The following MDM1 variants were observed in gnomAD, a reference collection of about 807,000 sequenced individuals.
MDM1 encodes the protein Mdm1 nuclear protein.
Under a neutral mutation model 89.1 loss-of-function variants are expected in MDM1, and 61 were observed. The observed-to-expected ratio is 0.68, with a 90% CI of 0.56 to 0.85. The LOEUF (loss-of-function observed/expected upper bound fraction) is 0.85. Ranked by LOEUF, MDM1 falls within the 40% of genes least tolerant of loss-of-function variation. The pLI is 0.00. For missense variants in MDM1, 820 were observed against 846.5 expected (o/e 0.97, Z 0.39); for synonymous variants, 290 against 294.1 (o/e 0.99, Z 0.14).
intron 1 of MDM1, 119 bp downstream of exon 1, chr12:68,332,109 T>G: frequency 8.5e-6 from 12 of 1,410,858 alleles, no homozygotes; most frequent in East Asian, 2.5e-5. Context: ...GCCCTGGGGC[T>G]GGCAGCTTCC....
intron 12 of MDM1, among the ~76,000 whole-genome samples, chr12:68,307,260 T>C (rs566816109): frequency 6.6e-6 from 1 of 152,314 alleles, no homozygotes; most frequent in Non-Finnish European, 1.5e-5. Context: ...ATTTGGGTGA[T>C]GGGTTCAATA....
chr12:68,305,468 A>T (rs1872746669), intron 12 of MDM1, among the ~76,000 whole-genome samples: 1 of 152,166 alleles, frequency 6.6e-6, no homozygotes, highest in African/African-American at 2.4e-5. Context: ...AGGAAGTCAA[A>T]TTATCTCTGT....
In MDM1 at chr12:68,327,778, GT is replaced by G. The variant is rs781530525; in HGVS notation, c.134-758del. ...TAAAACCCAGGGCTCCTTAGCCTCTGTTGTAGATGTCTTGGCCATGTCACCC... is the reference window on the plus strand; with the variant it reads ...TAAAACCCAGGGCTCCTTAGCCTCTGTGTAGATGTCTTGGCCATGTCACCC... On this transcript the variant is annotated intron_variant, in intron 2 of 14. Coordinates refer to ENST00000682720, the MANE Select transcript of MDM1 (RefSeq NM_001354969.2). 3.3e-4 allele frequency among the ~76,000 whole-genome samples: 51 copies of G among 152,292 alleles called. 1 individual carries two copies. Among genetic ancestry groups the G allele is most frequent in the Non-Finnish European group, 4.9e-4 (33 of 68,018 alleles).
intron 12 of MDM1, 140 bp from the exon 13 acceptor site, chr12:68,303,012 G>T: frequency 1.3e-6 from 1 of 765,658 alleles, no homozygotes; most frequent in Non-Finnish European, 2.0e-6. Context: ...TCTATGTGGG[G>T]AAGATATGAT....
chr12:68,324,897 T>C, intron 4 of MDM1: 1 of 590,570 alleles, frequency 1.7e-6, no homozygotes, highest in Non-Finnish European at 2.1e-6. Context: ...AGGAGTATAA[T>C]GAAATCTAAT....
chr12:68,331,023 G>T, intron 2 of MDM1, 84 bp downstream of exon 2: 1 of 762,968 alleles, frequency 1.3e-6, no homozygotes, highest in Admixed American at 2.1e-5. Flanking sequence ...TTAGCCCAAG[G>T]TTTACTTAGC....
intron 12 of MDM1, among the ~76,000 whole-genome samples, chr12:68,309,538 T>C (rs1246501257): frequency 6.6e-6 from 1 of 152,214 alleles, no homozygotes; most frequent in Non-Finnish European, 1.5e-5. Context: ...TCTGTTTCTA[T>C]CCATTATCAT....
intron 9 of MDM1, 111 bp downstream of exon 9, chr12:68,315,967 T>A (rs1791968327): frequency 1.2e-6 from 1 of 812,340 alleles, no homozygotes. Context: ...CTGCCACAAT[T>A]CCATTCGACT....
rs762797548 is a variant in MDM1, at chr12:68,296,954, C to G, written c.2031G>C (p.Gln677His). The G allele has an allele frequency of 1.3e-6, 2 of 1,588,790 alleles. No homozygotes were observed. Among genetic ancestry groups the G allele is most frequent in the Non-Finnish European group, 1.7e-6 (2 of 1,170,502 alleles). Residue 677 changes from glutamine to histidine, a missense_variant, in exon 14 of 15, where the codon CAG (glutamine) becomes CAC (histidine). Transcript: ENST00000682720. The part of the protein sequence containing the change: ...NVGKARMNNL[Q>H]LPQHEAFNDE... ...CATTAAAGGCTTCATGTTGAGGTAA[C>G]TGCAAATTGTTCATCCTTGCTTTTC...
chr12:68,302,490 A>G, intron 13 of MDM1, 130 bp downstream of exon 13: 1 of 873,462 alleles, frequency 1.1e-6, no homozygotes, highest in Non-Finnish European at 1.7e-6. Flanking sequence ...TATTTAAAGA[A>G]ATTTTATTAA....
chr12:68,325,430 C>A lies in MDM1; in HGVS notation c.633+11G>T. 1 of 1,553,080 alleles carries A rather than the reference C, an allele frequency of 6.4e-7. No homozygotes were observed. The highest frequency in any genetic ancestry group is 1.3e-5 in the South Asian group (1 of 78,068). On this transcript the variant is annotated intron_variant, in intron 4 of 14. Transcript: ENST00000682720. ...ATGGTACTCAGAAATGTATTACATC[C>A]ATTAAGCTACCTGATTGGCTGCAAA... is the stretch of plus-strand genomic sequence containing the variant.
intron 12 of MDM1, among the ~76,000 whole-genome samples, chr12:68,306,784 T>A (rs1377451146): frequency 6.6e-6 from 1 of 151,980 alleles, no homozygotes; most frequent in East Asian, 1.9e-4. Flanking sequence ...TGGAAAGCAA[T>A]ATGAAAATTT....
intron 3 of MDM1, 199 bp from the exon 4 acceptor site, chr12:68,325,774 C>A: frequency 5.0e-6 from 6 of 1,194,070 alleles, no homozygotes; most frequent in Admixed American, 4.5e-5. Flanking sequence ...TTTCAAGTGT[C>A]AAACTATTTA....
chr12:68,331,941 A>C (rs1414308644), intron 1 of MDM1: 2 of 680,188 alleles, frequency 2.9e-6, no homozygotes, highest in East Asian at 5.6e-5. Context: ...TTCTCTTCGC[A>C]AAGGGACCTC....
chr12:68,298,127 A>G (rs146997584), intron 13 of MDM1, among the ~76,000 whole-genome samples: 55 of 152,266 alleles, frequency 3.6e-4, no homozygotes, highest in Non-Finnish European at 5.3e-4. Context: ...TTAGAGGCCA[A>G]CTGACACAGT....
chr12:68,322,234 A>C (rs1452040430), intron 5 of MDM1, among the ~76,000 whole-genome samples: 1 of 152,236 alleles, frequency 6.6e-6, no homozygotes, highest in Non-Finnish European at 1.5e-5. Flanking sequence ...TGATTCTGCA[A>C]ATTAAATGGC....
chr12:68,309,435 A>G (rs540711238), intron 12 of MDM1, among the ~76,000 whole-genome samples: 2 of 152,286 alleles, frequency 1.3e-5, no homozygotes, highest in Admixed American at 6.5e-5. Context: ...TTTATTTTGA[A>G]ACTCTTATTA....
Position 68,326,989 on chromosome 12 carries a change from T to TA in MDM1, c.165_166insT (p.Arg56Ter). The TA allele has an allele frequency of 6.2e-7, 1 of 1,601,406 alleles. No homozygotes were observed. The highest frequency in any genetic ancestry group is 8.5e-7 in the Non-Finnish European group (1 of 1,175,800). On this transcript the variant is annotated frameshift_variant, in exon 3 of 15. Transcript: ENST00000682720. LOFTEE classifies it high-confidence loss of function. ...TGTGGGTCATGGTAAGGGACTCTTCTTTTTGAAATAAAACTTGGCTCTTTC... is the reference window on the plus strand; with the variant it reads ...TGTGGGTCATGGTAAGGGACTCTTCTATTTTGAAATAAAACTTGGCTCTTTC...
At chr12:68,325,822 G>A (rs2121137133) in intron 3 of MDM1, 1 of 1,103,178 alleles carries the variant, frequency 9.1e-7, no homozygotes, top group East Asian at 5.5e-5. Context: ...GGCATCCCAG[G>A]AAAAATATAA....
Sources: allele counts gnomAD v4.1 joint callset (sites outside exome capture counted in the v4.1 genomes callset), GRCh38; gene constraint gnomAD v4.1.1; transcripts MANE v1.5; gene names NCBI Gene and HGNC (gene_info 2026-07-23, HGNC 2026-07-21).